AGMO: variants seen among roughly 807,000 people sequenced by gnomAD.
AGMO encodes the protein glyceryl-ether monooxygenase.
Under a neutral mutation model 60.2 loss-of-function variants are expected in AGMO, and 75 were observed. The observed-to-expected ratio is 1.25, with a 90% confidence interval of 1.03 to 1.51. The LOEUF (loss-of-function observed/expected upper bound fraction) is 1.51. Among genes scored for constraint, AGMO ranks in the 40% most tolerant of loss-of-function variants. The pLI, the probability that AGMO is intolerant of heterozygous loss-of-function variation, is 0.00. For missense variants in AGMO, 763 were observed against 525.5 expected, an observed-to-expected ratio of 1.45 and a Z score of -4.42; for synonymous variants, 261 against 177.1, an observed-to-expected ratio of 1.47 and a Z score of -3.76.
At chr7:15,198,196 CGAGAGAGAGAGAGAGAGAGAGAGA>C (rs748392069), downstream of AGMO, among the ~76,000 whole-genome samples, 522 of 77,402 alleles carry the variant, frequency 6.7e-3, 5 homozygotes, top group African/African-American at 0.017. Context: ...AGGGCTTTCC[CGAGAGAGAGAGAGAGAGAGAGAGA>C]GAGAGAGAGA....
chr7:15,407,181 A>C (rs1447680824), intron 5 of AGMO, among the ~76,000 whole-genome samples: 1 of 146,842 alleles, frequency 6.8e-6, no homozygotes, highest in Non-Finnish European at 1.5e-5. Flanking sequence ...TGTTAGTGAC[A>C]AGGGTGCCAG....
chr7:15,218,573 C>CT (rs1781818426), intron 12 of AGMO, among the ~76,000 whole-genome samples: 1 of 141,396 alleles, frequency 7.1e-6, no homozygotes. Flanking sequence ...AATATATTAA[C>CT]TCTCTGTAAG....
chr7:15,174,688 A>G, the AGMO span, among the ~76,000 whole-genome samples: 1 of 152,084 alleles, frequency 6.6e-6, no homozygotes, highest in Non-Finnish European at 1.5e-5. Flanking sequence ...TAAAGATAGA[A>G]TGGAGTAGTA....
chr7:15,314,634 C>T (rs1265053825), intron 12 of AGMO, among the ~76,000 whole-genome samples: 3 of 151,988 alleles, frequency 2.0e-5, no homozygotes, highest in Non-Finnish European at 4.4e-5. Context: ...TATCAAAAAA[C>T]AATATTCAAA....
At chr7:15,424,136 T>C (rs1780997421) in intron 4 of AGMO, among the ~76,000 whole-genome samples, 1 of 152,182 alleles carries the variant, frequency 6.6e-6, no homozygotes, top group African/African-American at 2.4e-5. Flanking sequence ...GAAGCTTCCC[T>C]TGACCCATAG....
intron 3 of AGMO, among the ~76,000 whole-genome samples, chr7:15,447,552 TC>T (rs892889151): frequency 1.3e-5 from 2 of 152,074 alleles, no homozygotes; most frequent in African/African-American, 4.8e-5. Flanking sequence ...TCATTTCTTT[TC>T]TTTTTTCTTT....
At chr7:15,342,139 C>T (rs1583429409) in intron 12 of AGMO, among the ~76,000 whole-genome samples, 1 of 129,108 alleles carries the variant, frequency 7.7e-6, no homozygotes, top group Non-Finnish European at 1.5e-5. Context: ...GGTGAATTGC[C>T]TCCAGTAAGC....
At chr7:15,163,660 G>A in the AGMO span, among the ~76,000 whole-genome samples, 5 of 151,912 alleles carry the variant, frequency 3.3e-5, no homozygotes, top group Non-Finnish European at 7.4e-5. Context: ...TCATATCCTT[G>A]GGATAACAAT....
At chr7:15,193,498 C>T in the AGMO span, among the ~76,000 whole-genome samples, 1 of 152,122 alleles carries the variant, frequency 6.6e-6, no homozygotes, top group Non-Finnish European at 1.5e-5. Flanking sequence ...TTCATCAATA[C>T]TCTCAAGCTT....
chr7:15,461,855 T>C (rs1194923288), intron 3 of AGMO, among the ~76,000 whole-genome samples: 1 of 152,128 alleles, frequency 6.6e-6, no homozygotes, highest in Admixed American at 6.6e-5. Flanking sequence ...TACTGTTTTG[T>C]GGTTATATTT....
intron 12 of AGMO, among the ~76,000 whole-genome samples, chr7:15,271,698 AC>A (rs1169465568): frequency 5.9e-5 from 9 of 152,160 alleles, no homozygotes; most frequent in Admixed American, 1.3e-4. Flanking sequence ...GACTTCCAGT[AC>A]TATGTTGAAT....
intron 12 of AGMO, among the ~76,000 whole-genome samples, chr7:15,250,162 C>G (rs1229945938): frequency 2.0e-5 from 3 of 152,186 alleles, no homozygotes; most frequent in Admixed American, 6.5e-5. Context: ...TGTTGGCTGA[C>G]CCAAGCTCCC....
chr7:15,494,664 T>C (rs950823057), intron 3 of AGMO, among the ~76,000 whole-genome samples: 12 of 152,220 alleles, frequency 7.9e-5, no homozygotes, highest in Admixed American at 7.9e-4. Flanking sequence ...CATTTGATAG[T>C]TATGTCAATA....
At chr7:15,523,916 A>G (rs555944860) in intron 3 of AGMO, among the ~76,000 whole-genome samples, 28 of 152,298 alleles carry the variant, frequency 1.8e-4, no homozygotes, top group African/African-American at 6.5e-4. Flanking sequence ...TGGTCATAGT[A>G]AGGTTGAGGG....
At chr7:15,343,690 G>A (rs1337882608) in intron 12 of AGMO, among the ~76,000 whole-genome samples, 1 of 151,992 alleles carries the variant, frequency 6.6e-6, no homozygotes, top group Non-Finnish European at 1.5e-5. Context: ...AATGACATGA[G>A]CTTTGTGGTT....
At chr7:15,143,135 T>C in the AGMO span, among the ~76,000 whole-genome samples, 2 of 152,332 alleles carry the variant, frequency 1.3e-5, no homozygotes, top group East Asian at 3.9e-4. Flanking sequence ...CCAATCTCAA[T>C]TAGCATTAAA....
At chr7:15,395,931 C>T (rs908431165) in intron 5 of AGMO, 3 of 152,136 alleles carry the variant, frequency 2.0e-5, no homozygotes, top group Non-Finnish European at 2.9e-5. Flanking sequence ...TGTGGCATCA[C>T]ATCCCCTCTT....
At chr7:15,264,720 G>T (rs909141656) in intron 12 of AGMO, among the ~76,000 whole-genome samples, 1 of 151,988 alleles carries the variant, frequency 6.6e-6, no homozygotes, top group African/African-American at 2.4e-5. Flanking sequence ...GCAAATCAAA[G>T]CCACAGTGAA....
intron 10 of AGMO, among the ~76,000 whole-genome samples, chr7:15,376,669 A>G (rs556857625): frequency 4.2e-4 from 64 of 152,116 alleles, no homozygotes; most frequent in African/African-American, 1.5e-3. Context: ...TAAAAGAAGC[A>G]TTGCCTTTTC....
Sources: gnomAD v4.1 joint callset for allele counts (sites outside exome capture counted in the v4.1 genomes callset) on GRCh38, gnomAD v4.1.1 for gene constraint, MANE v1.5 for transcripts, NCBI Gene and HGNC (gene_info 2026-07-23, HGNC 2026-07-21) for gene names.